The following COL11A1 variants were observed in gnomAD, a reference collection of about 807,000 sequenced individuals.
The protein encoded by COL11A1 is collagen alpha-1(XI) chain.
In COL11A1, 74 loss-of-function variants were observed where a neutral mutation model predicts 265.2. The observed-to-expected ratio is 0.28, with a 90% confidence interval of 0.23 to 0.34. COL11A1 has a LOEUF of 0.34. Among genes scored for constraint, COL11A1 ranks in the 10% least tolerant of loss-of-function variants. The pLI is 1.00. For missense variants in COL11A1, 2,165 were observed against 2,263.6 expected (o/e 0.96, Z 0.88); for synonymous variants, 816 against 727.6 (o/e 1.12, Z -1.96).
intron 46 of COL11A1, among the ~76,000 whole-genome samples, chr1:102,929,830 G>A (rs1337126920): frequency 2.6e-5 from 4 of 151,848 alleles, no homozygotes; most frequent in Non-Finnish European, 5.9e-5. Flanking sequence ...TGGATTCCTA[G>A]GTATTTTATT....
intron 4 of COL11A1, among the ~76,000 whole-genome samples, chr1:103,072,439 C>T (rs1671666695): frequency 6.6e-6 from 1 of 151,814 alleles, no homozygotes; most frequent in Non-Finnish European, 1.5e-5. Flanking sequence ...TTATCTTCAT[C>T]ATCACAACTA....
intron 4 of COL11A1, among the ~76,000 whole-genome samples, chr1:103,052,117 C>T (rs1464905112): frequency 6.8e-6 from 1 of 147,120 alleles, no homozygotes; most frequent in African/African-American, 2.4e-5. Context: ...AAATAAGACC[C>T]TTTTCTCCAT....
intron 20 of COL11A1, 91 bp downstream of exon 20, chr1:103,004,353 C>T (rs1162130926): frequency 2.1e-6 from 2 of 967,944 alleles, no homozygotes; most frequent in South Asian, 1.4e-5. Flanking sequence ...CAATGTTTAC[C>T]TGGGTTTATC....
chr1:102,891,959 C>A (rs1651833387), intron 57 of COL11A1, among the ~76,000 whole-genome samples: 1 of 152,022 alleles, frequency 6.6e-6, no homozygotes, highest in Non-Finnish European at 1.5e-5. Context: ...ATTTTGAAGA[C>A]AACACAAAAT....
chr1:102,889,662 A>C, intron 58 of COL11A1, 100 bp from the exon 59 acceptor site: 1 of 852,566 alleles, frequency 1.2e-6, no homozygotes, highest in South Asian at 1.4e-5. Context: ...AAGCATAAAA[A>C]TGAACAATGC....
At chr1:102,998,916 GTAA>G (rs1664874589) in intron 24 of COL11A1, among the ~76,000 whole-genome samples, 2 of 151,826 alleles carry the variant, frequency 1.3e-5, no homozygotes, top group South Asian at 4.1e-4. Context: ...TAATAATAAA[GTAA>G]TAATTCAACA....
At chr1:103,084,655 C>CAT (rs1672714595) in intron 1 of COL11A1, among the ~76,000 whole-genome samples, 1 of 150,588 alleles carries the variant, frequency 6.6e-6, no homozygotes, top group African/African-American at 2.4e-5. Flanking sequence ...TCCATAATTA[C>CAT]ATATATATTT....
intron 1 of COL11A1, chr1:103,100,744 C>T (rs896423762): frequency 3.3e-5 from 5 of 152,078 alleles, no homozygotes; most frequent in Admixed American, 3.3e-4. Context: ...TCAACATGGA[C>T]AAGTGGCCAA....
intron 12 of COL11A1, 32 bp downstream of exon 12, chr1:103,015,636 A>C: frequency 1.4e-6 from 2 of 1,425,600 alleles, no homozygotes; most frequent in Non-Finnish European, 2.0e-6. Context: ...ACAAGATATC[A>C]AGTCATCTCT....
chr1:102,969,708 A>G (rs1241364558), intron 37 of COL11A1, among the ~76,000 whole-genome samples: 1 of 152,142 alleles, frequency 6.6e-6, no homozygotes, highest in Non-Finnish European at 1.5e-5. Flanking sequence ...ACTTTTTCCT[A>G]TTTCACATGG....
chr1:103,004,198 T>A (rs112017556), intron 20 of COL11A1, among the ~76,000 whole-genome samples: 4 of 152,202 alleles, frequency 2.6e-5, no homozygotes, highest in African/African-American at 9.6e-5. Flanking sequence ...AAAAACTAGG[T>A]AAGGTAACTT....
In COL11A1 at chr1:103,108,308, TCAAAG is replaced by T; in HGVS notation, c.-135_-131del. ...ATTGGGGAGGGAGAGGGGGAAAAAG[TCAAAG>T]GGCTTTTTCTTCTAAATTTGATGGT... On this transcript the variant is annotated 5_prime_UTR_variant, in exon 1 of 67. Transcript: ENST00000370096. 1.4e-6 allele frequency: 1 copy of T among 732,564 alleles called. No homozygotes were observed. The highest frequency in any genetic ancestry group is 2.4e-6 in the Non-Finnish European group (1 of 408,406). The allele number at this position is 732,564 out of a possible 1,614,324, so 45.4% of individuals were successfully genotyped here. A position where few individuals can be genotyped will look rare whatever the true frequency, so the allele number is the denominator to read the frequency against.
chr1:103,067,496 A>G (rs1450835065), intron 4 of COL11A1, among the ~76,000 whole-genome samples: 1 of 151,886 alleles, frequency 6.6e-6, no homozygotes, highest in Non-Finnish European at 1.5e-5. Flanking sequence ...TTTAGAGAGA[A>G]ATGTGTAATT....
chr1:102,919,687 A>T (rs1393713772), intron 49 of COL11A1, among the ~76,000 whole-genome samples: 1 of 152,032 alleles, frequency 6.6e-6, no homozygotes, highest in East Asian at 1.9e-4. Flanking sequence ...TCATTTTGAC[A>T]TTTTTATAAA....
intron 4 of COL11A1, among the ~76,000 whole-genome samples, chr1:103,061,558 G>A (rs999462351): frequency 7.2e-5 from 11 of 151,842 alleles, no homozygotes; most frequent in East Asian, 1.9e-4. Flanking sequence ...CTCTCAAACC[G>A]TAACAGAAAG....
intron 54 of COL11A1, among the ~76,000 whole-genome samples, chr1:102,910,063 T>A (rs1426720734): frequency 4.6e-5 from 7 of 151,998 alleles, no homozygotes; most frequent in Non-Finnish European, 7.4e-5. Context: ...ACATATAATA[T>A]TTTTATGTGA....
In COL11A1 at chr1:102,984,054, A is replaced by G. The variant is rs369403084; in HGVS notation, c.2556+84T>C. The G allele has an allele frequency of 1.3e-4, 129 of 958,806 alleles. No homozygotes were observed. In the East Asian group the frequency reaches 2.2e-3, roughly 16 times the overall value. 59.4% of individuals were successfully genotyped at this position (958,806 alleles called of 1,614,324 possible). A position where few individuals can be genotyped will look rare whatever the true frequency, so the allele number is the denominator to read the frequency against. ...TTTAAGTACTCATGATAATATAGAG[A>G]TGTTACAAATTGTAAGGTAATCATA... On this transcript the variant is annotated intron_variant, in intron 31 of 66. Coordinates refer to ENST00000370096, the MANE Select transcript of COL11A1 (RefSeq NM_001854.4).
chr1:103,011,834 A>C (rs1557942959), intron 14 of COL11A1, among the ~76,000 whole-genome samples: 1 of 152,104 alleles, frequency 6.6e-6, no homozygotes, highest in African/African-American at 2.4e-5. Context: ...GTATTTGAAG[A>C]TTTTTTAGAC....
chr1:103,086,859 C>T (rs747994695), intron 1 of COL11A1, among the ~76,000 whole-genome samples: 3 of 151,870 alleles, frequency 2.0e-5, no homozygotes, highest in Non-Finnish European at 4.4e-5. Context: ...AGTAAAACTC[C>T]ATTAATTAAG....
Sources: allele counts gnomAD v4.1 joint callset (sites outside exome capture counted in the v4.1 genomes callset), GRCh38; gene constraint gnomAD v4.1.1; transcripts MANE v1.5; gene names NCBI Gene and HGNC (gene_info 2026-07-23, HGNC 2026-07-21).